The following DIPK1A variants were observed in gnomAD, a reference collection of about 807,000 sequenced individuals.
The protein encoded by DIPK1A is divergent protein kinase domain 1A.
In DIPK1A, 27 loss-of-function variants were observed where a neutral mutation model predicts 40.8. That is an observed-to-expected ratio of 0.66 (90% CI 0.49 to 0.91). DIPK1A has a LOEUF of 0.91. DIPK1A is among the 40% of genes least tolerant of loss of function. The pLI is 0.00. For missense variants in DIPK1A, 412 were observed against 505.7 expected, an observed-to-expected ratio of 0.81 and a Z score of 1.78; for synonymous variants, 166 against 171.3, an observed-to-expected ratio of 0.97 and a Z score of 0.24.
At chr1:92,839,932 C>T (rs1023420104), downstream of DIPK1A, among the ~76,000 whole-genome samples, 1 of 151,126 alleles carries the variant, frequency 6.6e-6, no homozygotes, top group Non-Finnish European at 1.5e-5. Context: ...CTTCAGACTT[C>T]TGGGCTCAAG....
At chr1:92,932,269 C>T (rs1650780694) in intron 1 of DIPK1A, 1 of 161,704 alleles carries the variant, frequency 6.2e-6, no homozygotes, top group Non-Finnish European at 1.4e-5. Context: ...GGTGAAACCC[C>T]ATCTCTACCA....
chr1:92,948,670 T>TATATATAC (rs1454482027), intron 1 of DIPK1A, among the ~76,000 whole-genome samples: 1 of 146,050 alleles, frequency 6.8e-6, no homozygotes, highest in East Asian at 1.9e-4. Flanking sequence ...TACATATGTG[T>TATATATAC]ATATATACAT....
At chr1:92,958,062 A>G (rs147087636) in intron 1 of DIPK1A, among the ~76,000 whole-genome samples, 65 of 152,272 alleles carry the variant, frequency 4.3e-4, no homozygotes, top group Middle Eastern at 3.4e-3. Context: ...ATTTCACTTT[A>G]TTGCTGAATA....
intron 1 of DIPK1A, among the ~76,000 whole-genome samples, chr1:92,923,881 G>A (rs561215743): frequency 1.1e-4 from 17 of 151,274 alleles, no homozygotes; most frequent in South Asian, 4.3e-4. Context: ...GGAATATTTC[G>A]AAACAAAACA....
rs145288549 is a variant in DIPK1A, at chr1:92,886,792, T to C, written c.55-10362A>G. 4.5e-4 allele frequency among the ~76,000 whole-genome samples: 69 copies of C among 152,142 alleles called. 1 individual carries two copies. The East Asian group carries it at 0.011, about 24-fold the overall frequency. Reference sequence around the variant, plus strand: ...AAATTAGTCAGGAGTTGGAAAACTATGACCCATGAGCCAAATCCAGTCTGC... The same window carrying C: ...AAATTAGTCAGGAGTTGGAAAACTACGACCCATGAGCCAAATCCAGTCTGC... On this transcript the variant is annotated intron_variant, in intron 1 of 4. Coordinates refer to ENST00000370310, the MANE Select transcript of DIPK1A (RefSeq NM_001006605.5).
At chr1:92,943,062 T>A (rs544143198) in intron 1 of DIPK1A, among the ~76,000 whole-genome samples, 3 of 152,306 alleles carry the variant, frequency 2.0e-5, no homozygotes, top group Non-Finnish European at 4.4e-5. Context: ...AAAATTCACA[T>A]CAGGACTTTC....
chr1:92,844,186 C>T lies in DIPK1A; in HGVS notation c.484G>A (p.Gly162Ser). 3 of 1,542,848 alleles carry T rather than the reference C, an allele frequency of 1.9e-6. No individual in the cohort carries two copies. Among genetic ancestry groups the T allele is most frequent in the Non-Finnish European group, 2.6e-6 (3 of 1,141,204 alleles). Residue 162 changes from glycine to serine, a missense_variant, in exon 5 of 5, where the codon GGT becomes AGT. By Grantham distance (56) the Gly-to-Ser change is moderately conservative. Coordinates refer to ENST00000370310, the MANE Select transcript of DIPK1A (RefSeq NM_001006605.5). ...AGTTCAGAGAGGTTTCCTTGGTCAC[C>T]CAATTTTGCCTGTCAAGAATTTGGC... is the stretch of plus-strand genomic sequence containing the variant. ...MVYSLFKAKL[G>S]DQGNLSELVN...
At chr1:92,894,743 A>T (rs2100809729) in intron 1 of DIPK1A, among the ~76,000 whole-genome samples, 1 of 152,164 alleles carries the variant, frequency 6.6e-6, no homozygotes, top group Non-Finnish European at 1.5e-5. Flanking sequence ...TCAACAAAAT[A>T]GATAGACCGC....
chr1:92,881,865 T>C lies in DIPK1A; in HGVS notation c.55-5435A>G, dbSNP rs7535229. Among the ~76,000 whole-genome samples, 1,135 of 152,300 alleles carry C rather than the reference T, an allele frequency of 7.5e-3. 18 individuals are homozygous for C. The highest frequency in any genetic ancestry group is 0.025 in the African/African-American group (1,029 of 41,570). ...TTATGGATAATTTTTATTTTTCTTCTCTTAATTTTCTATAACAAATATGTA... is the reference window on the plus strand; with the variant it reads ...TTATGGATAATTTTTATTTTTCTTCCCTTAATTTTCTATAACAAATATGTA... On this transcript the variant is annotated intron_variant, in intron 1 of 4. Coordinates refer to ENST00000370310, the MANE Select transcript of DIPK1A (RefSeq NM_001006605.5).
intron 2 of DIPK1A, among the ~76,000 whole-genome samples, chr1:92,874,638 G>A (rs778617645): frequency 3.3e-5 from 5 of 152,208 alleles, no homozygotes; most frequent in Non-Finnish European, 7.3e-5. Context: ...GTATGTTTTT[G>A]AACTTGATTA....
intron 1 of DIPK1A, among the ~76,000 whole-genome samples, chr1:92,952,237 C>A (rs1056180465): frequency 6.6e-6 from 1 of 152,062 alleles, no homozygotes; most frequent in African/African-American, 2.4e-5. Flanking sequence ...GATTAAGAAA[C>A]CCTGCTTTCT....
intron 2 of DIPK1A, among the ~76,000 whole-genome samples, chr1:92,867,737 C>T (rs1262743400): frequency 6.6e-6 from 1 of 152,122 alleles, no homozygotes; most frequent in Non-Finnish European, 1.5e-5. Flanking sequence ...AACTCCAGAC[C>T]TCAAGTGATC....
At chr1:92,906,767 C>A (rs1176015441) in intron 1 of DIPK1A, among the ~76,000 whole-genome samples, 1 of 152,084 alleles carries the variant, frequency 6.6e-6, no homozygotes, top group Non-Finnish European at 1.5e-5. Context: ...TTCACGATGC[C>A]ATGGAATTCC....
At chr1:92,858,939 C>T (rs1182601392) in intron 2 of DIPK1A, among the ~76,000 whole-genome samples, 1 of 152,198 alleles carries the variant, frequency 6.6e-6, no homozygotes, top group Non-Finnish European at 1.5e-5. Context: ...ATAGGATGAT[C>T]AGCGAAAACA....
chr1:92,887,725 G>T (rs76430622), intron 1 of DIPK1A, among the ~76,000 whole-genome samples: 2,800 of 152,224 alleles, frequency 0.018, 108 homozygotes, highest in African/African-American at 0.063. Flanking sequence ...TACTGGAGGG[G>T]ACTACTATTA....
chr1:92,897,414 A>C (rs1437651723), intron 1 of DIPK1A, among the ~76,000 whole-genome samples: 1 of 151,994 alleles, frequency 6.6e-6, no homozygotes, highest in Non-Finnish European at 1.5e-5. Context: ...GACAAAAAAA[A>C]CAAACACCGC....
At chr1:92,841,028 C>T (rs1471103795), downstream of DIPK1A, among the ~76,000 whole-genome samples, 1 of 152,240 alleles carries the variant, frequency 6.6e-6, no homozygotes, top group African/African-American at 2.4e-5. Flanking sequence ...AACATATTCA[C>T]CTCAAATACT....
intron 1 of DIPK1A, chr1:92,932,038 A>T: frequency 1.8e-6 from 1 of 544,738 alleles, no homozygotes; most frequent in South Asian, 1.6e-5. Context: ...GTTTGAAGAA[A>T]ATAAAATTGA....
chr1:92,942,036 G>T (rs1397752663), intron 1 of DIPK1A, among the ~76,000 whole-genome samples: 1 of 151,204 alleles, frequency 6.6e-6, no homozygotes, highest in East Asian at 1.9e-4. Flanking sequence ...CAGCAACACC[G>T]CCAGCACAGG....
Sources: gnomAD v4.1 joint callset for allele counts (sites outside exome capture counted in the v4.1 genomes callset) on GRCh38, gnomAD v4.1.1 for gene constraint, MANE v1.5 for transcripts, NCBI Gene and HGNC (gene_info 2026-07-23, HGNC 2026-07-21) for gene names.